AGBL1: variants seen among roughly 807,000 people sequenced by gnomAD.
AGBL1 encodes the protein cytosolic carboxypeptidase 4.
Under a neutral mutation model 118.9 loss-of-function variants are expected in AGBL1, and 130 were observed. The ratio of observed to expected loss-of-function variants is 1.09; its 90% CI spans 0.95 to 1.26. AGBL1 has a LOEUF of 1.26. Ranked by LOEUF, AGBL1 falls within the 50% of genes most tolerant of loss-of-function variation. The pLI, the probability that AGBL1 is intolerant of heterozygous loss-of-function variation, is 0.00. For missense variants in AGBL1, 1,584 were observed against 1,298.1 expected, an observed-to-expected ratio of 1.22 and a Z score of -3.38; for synonymous variants, 555 against 478.9, an observed-to-expected ratio of 1.16 and a Z score of -2.08.
chr15:86,131,966 C>CAAA, intron 1 of AGBL1, among the ~76,000 whole-genome samples: 3 of 145,420 alleles, frequency 2.1e-5, no homozygotes, highest in Admixed American at 6.8e-5. Context: ...AAAAAAAAAT[C>CAAA]ATAACGTTGT....
At chr15:86,510,168 C>G (rs533000048) in intron 18 of AGBL1, among the ~76,000 whole-genome samples, 6 of 152,220 alleles carry the variant, frequency 3.9e-5, no homozygotes, top group African/African-American at 1.4e-4. Flanking sequence ...TACCTGTGTC[C>G]CGTGTCCTAA....
intron 18 of AGBL1, among the ~76,000 whole-genome samples, chr15:86,428,311 C>G (rs1195776980): frequency 2.0e-5 from 3 of 152,114 alleles, no homozygotes; most frequent in Non-Finnish European, 4.4e-5. Flanking sequence ...ACCTGCAATA[C>G]CTGGGCTCTA....
chr15:86,260,893 A>G (rs1021332233), intron 9 of AGBL1, among the ~76,000 whole-genome samples: 2 of 152,224 alleles, frequency 1.3e-5, no homozygotes, highest in Admixed American at 1.3e-4. Context: ...CCAGATAAGA[A>G]TAAATGCCAT....
At chr15:86,337,187 T>C (rs550015405) in intron 17 of AGBL1, among the ~76,000 whole-genome samples, 20 of 152,374 alleles carry the variant, frequency 1.3e-4, no homozygotes, top group African/African-American at 4.1e-4. Flanking sequence ...GTACACTTTT[T>C]GTAAACTGAG....
At chr15:86,892,763 G>A (rs182790449) in intron 22 of AGBL1, among the ~76,000 whole-genome samples, 8 of 152,190 alleles carry the variant, frequency 5.3e-5, no homozygotes, top group African/African-American at 1.4e-4. Context: ...AAAAAAAACC[G>A]GAGAGTAATA....
chr15:86,921,381 C>T (rs568106593), intron 23 of AGBL1, among the ~76,000 whole-genome samples: 7 of 152,046 alleles, frequency 4.6e-5, no homozygotes, highest in Non-Finnish European at 7.4e-5. Flanking sequence ...TCCATTTGGT[C>T]GGGGTCCAAG....
At chr15:87,023,750 A>G (rs568926430) in intron 24 of AGBL1, among the ~76,000 whole-genome samples, 6 of 152,204 alleles carry the variant, frequency 3.9e-5, no homozygotes, top group African/African-American at 1.4e-4. Context: ...ATGAGCTTCA[A>G]TAAATTTAAG....
intron 22 of AGBL1, among the ~76,000 whole-genome samples, chr15:86,826,680 TGA>T (rs1442202489): frequency 6.6e-6 from 1 of 152,148 alleles, no homozygotes; most frequent in Non-Finnish European, 1.5e-5. Context: ...GGGTCTACAC[TGA>T]GAGAGAACTC....
At position 86,295,352 on chromosome 15, in the gene AGBL1, TGG is replaced by T; in HGVS notation, c.2319_2320del (p.Leu773PhefsTer8). 6.2e-7 allele frequency: 1 copy of T among 1,612,356 alleles called. No homozygotes were observed. The highest frequency in any genetic ancestry group is 8.5e-7 in the Non-Finnish European group (1 of 1,179,130). Reference sequence around the variant, plus strand: ...ACGCTGGGAGGGAATCCGTGTCCCTTGGTGACCATCACGGCCATGCCTGAGTC... The same window carrying T: ...ACGCTGGGAGGGAATCCGTGTCCCTTTGACCATCACGGCCATGCCTGAGTC... On this transcript the variant is annotated frameshift_variant, in exon 17 of 23. Transcript: ENST00000614907. LOFTEE classifies it high-confidence loss of function.
intron 21 of AGBL1, among the ~76,000 whole-genome samples, chr15:86,653,450 G>A (rs372355788): frequency 6.6e-5 from 10 of 152,158 alleles, no homozygotes; most frequent in Admixed American, 2.0e-4. Context: ...AAATAAACAC[G>A]CCACCAATAA....
intron 22 of AGBL1, among the ~76,000 whole-genome samples, chr15:86,793,051 C>A (rs527687084): frequency 6.6e-6 from 1 of 151,992 alleles, no homozygotes; most frequent in Non-Finnish European, 1.5e-5. Context: ...TTAAATTTAA[C>A]GCCATCCTCA....
At chr15:86,135,285 A>C (rs1010719124) in intron 1 of AGBL1, among the ~76,000 whole-genome samples, 27 of 152,208 alleles carry the variant, frequency 1.8e-4, no homozygotes, top group African/African-American at 6.0e-4. Flanking sequence ...AAATAGCCTG[A>C]CACTTTCACG....
rs1216443949 is a variant in AGBL1 at position 86,264,498 on chromosome 15, C to T, written c.1327C>T (p.Gln443Ter). Reference protein sequence around the residue: ...NPGVNLYQNVQSNSLRRDSSE... With the variant: ...NPGVNLYQNV ...TGGAGTGAACCTGTACCAAAATGTG[C>T]AATCCAATAGTCTCAGGAGAGATTC... Residue 443 changes from glutamine to a stop codon, truncating the protein, a stop_gained, in exon 11 of 23, where the codon CAA becomes TAA. Coordinates refer to ENST00000614907, the MANE Select transcript of AGBL1 (RefSeq NM_001386094.1). LOFTEE classifies it high-confidence loss of function. 6.2e-7 allele frequency: 1 copy of T among 1,614,028 alleles called. No individual in the cohort carries two copies. The highest frequency in any genetic ancestry group is 8.5e-7 in the Non-Finnish European group (1 of 1,179,886).
At chr15:86,361,778 G>T (rs2080809690) in intron 17 of AGBL1, among the ~76,000 whole-genome samples, 1 of 151,864 alleles carries the variant, frequency 6.6e-6, no homozygotes, top group Non-Finnish European at 1.5e-5. Flanking sequence ...ATCTGTTTGG[G>T]TTACTTTCAC....
chr15:86,866,247 G>A (rs112579357), intron 22 of AGBL1, among the ~76,000 whole-genome samples: 1,689 of 152,242 alleles, frequency 0.011, 15 homozygotes, highest in African/African-American at 0.018. Context: ...AGGACAATGG[G>A]TATTTTAATA....
chr15:86,777,113 A>G (rs968963231), intron 22 of AGBL1, among the ~76,000 whole-genome samples: 1 of 151,982 alleles, frequency 6.6e-6, no homozygotes, highest in Non-Finnish European at 1.5e-5. Flanking sequence ...TTCCATATGG[A>G]CAGCCAATTA....
chr15:86,965,048 T>C lies in AGBL1; in HGVS notation c.3222-22939T>C, dbSNP rs568712265. ...GTCTATCACTGTTGGGCATTTGGGT[T>C]GTTTCCAAGTCTTTGCTATTGTGAA... On this transcript the variant is annotated intron_variant, in intron 23 of 24. Transcript: ENST00000441037. Among the ~76,000 whole-genome samples, 4 of 152,324 alleles carry C rather than the reference T, an allele frequency of 2.6e-5. No individual in the cohort carries two copies. The South Asian group carries it at 8.3e-4, about 32-fold the overall frequency.
chr15:86,409,846 A>G (rs754326942), intron 18 of AGBL1, among the ~76,000 whole-genome samples: 12 of 152,148 alleles, frequency 7.9e-5, no homozygotes, highest in Middle Eastern at 3.4e-3. Context: ...CCGCATTCCA[A>G]TGTTTCTCCT....
intron 5 of AGBL1, among the ~76,000 whole-genome samples, chr15:86,220,471 A>G (rs1035380361): frequency 6.6e-6 from 1 of 152,184 alleles, no homozygotes; most frequent in African/African-American, 2.4e-5. Context: ...ACTCCTCTGT[A>G]ATGGCTCTTA....
Sources: gnomAD v4.1 joint callset for allele counts (sites outside exome capture counted in the v4.1 genomes callset) on GRCh38, gnomAD v4.1.1 for gene constraint, MANE v1.5 for transcripts, NCBI Gene and HGNC (gene_info 2026-07-23, HGNC 2026-07-21) for gene names.